The following OXR1 variants were observed in gnomAD, a reference collection of about 807,000 sequenced individuals.
OXR1 encodes the protein oxidation resistance 1, also known as oxidation resistance protein 1.
Under a neutral mutation model 104.6 loss-of-function variants are expected in OXR1, and 41 were observed. The observed-to-expected ratio is 0.39, with a 90% CI of 0.31 to 0.51. The LOEUF (loss-of-function observed/expected upper bound fraction) is 0.51. Among genes scored for constraint, OXR1 ranks in the 20% least tolerant of loss-of-function variants. OXR1 has a pLI of 0.77. For synonymous variants in OXR1, 348 were observed against 348.4 expected (o/e 1.00, Z 0.01); for missense variants, 955 against 1,031.9 (o/e 0.93, Z 1.02).
At chr8:106,567,955 A>G (rs1013582688) in intron 3 of OXR1, among the ~76,000 whole-genome samples, 2 of 152,164 alleles carry the variant, frequency 1.3e-5, no homozygotes, top group African/African-American at 2.4e-5. Context: ...ACATGTTATA[A>G]TCATTCCTCT....
chr8:106,335,789 ATATAAAT>A (rs1814936170), intron 1 of OXR1, among the ~76,000 whole-genome samples: 1 of 152,064 alleles, frequency 6.6e-6, no homozygotes. Flanking sequence ...GACACATGAG[ATATAAAT>A]TAAAAGGCTG....
At chr8:106,462,403 T>A (rs1222946735) in intron 2 of OXR1, among the ~76,000 whole-genome samples, 2 of 152,198 alleles carry the variant, frequency 1.3e-5, no homozygotes, top group Non-Finnish European at 2.9e-5. Flanking sequence ...TTTTCACCTC[T>A]GTTTAAATCA....
chr8:106,312,557 C>T (rs978430519), intron 1 of OXR1, among the ~76,000 whole-genome samples: 5 of 152,228 alleles, frequency 3.3e-5, no homozygotes, highest in African/African-American at 9.6e-5. Context: ...CAAAAATCAC[C>T]GAGGGCCATA....
At chr8:106,737,860 G>T (rs996861018) in intron 12 of OXR1, among the ~76,000 whole-genome samples, 1 of 152,064 alleles carries the variant, frequency 6.6e-6, no homozygotes, top group Non-Finnish European at 1.5e-5. Context: ...TTTCAGCGAT[G>T]AGGAGTTTTC....
rs11296936 is a variant in OXR1 at position 106,487,021 on chromosome 8, C to CT, written c.24-31902dup. On this transcript the variant is annotated intron_variant, in intron 2 of 16. Transcript: ENST00000517566. ...CCTTCCTTGAATATTAATCCAGACA[C>CT]TTTTTTTTTTTTTTTTTTTTGAGAC... is the stretch of plus-strand genomic sequence containing the variant. Among the ~76,000 whole-genome samples the CT allele has an allele frequency of 8.8e-3, 1,137 of 129,668 alleles. 8 individuals are homozygous for CT. Among genetic ancestry groups the CT allele is most frequent in the Middle Eastern group, 0.054 (14 of 258 alleles). 85.1% of individuals were successfully genotyped at this position (129,668 alleles called of 152,430 possible). A position where few individuals can be genotyped will look rare whatever the true frequency, so the allele number is the denominator to read the frequency against.
intron 7 of OXR1, chr8:106,697,574 C>T: frequency 1.2e-6 from 2 of 1,611,208 alleles, no homozygotes; most frequent in South Asian, 2.2e-5. Flanking sequence ...CAGTTGGGAT[C>T]CCCAGAGAAG....
rs1387479350 is a variant in OXR1 at position 106,339,530 on chromosome 8, A to T, written c.-138-19946A>T. Among the ~76,000 whole-genome samples, 43 of 48,536 alleles carry T rather than the reference A, an allele frequency of 8.9e-4. 2 individuals carry two copies. The highest frequency in any genetic ancestry group is 3.5e-3 in the African/African-American group (22 of 6,326). 31.8% of individuals were successfully genotyped at this position (48,536 alleles called of 152,430 possible). On this transcript the variant is annotated intron_variant, in intron 1 of 16. Coordinates refer to ENST00000517566, the MANE Select transcript of OXR1 (RefSeq NM_001198533.2). ...AAAAAAAAAAAAAAAATATATATAT[A>T]TATATATATATATATATATATATAT...
intron 3 of OXR1, among the ~76,000 whole-genome samples, chr8:106,557,381 G>A (rs921613019): frequency 5.3e-5 from 8 of 151,994 alleles, no homozygotes; most frequent in Non-Finnish European, 1.2e-4. Context: ...TATAGTTTGG[G>A]GTTATGTTAT....
intron 3 of OXR1, among the ~76,000 whole-genome samples, chr8:106,628,065 T>C (rs1822325919): frequency 6.6e-6 from 1 of 152,178 alleles, no homozygotes; most frequent in Admixed American, 6.5e-5. Flanking sequence ...TCATTGGTTC[T>C]CTCCTTTAAA....
At chr8:106,494,742 C>T (rs1012659061) in intron 2 of OXR1, among the ~76,000 whole-genome samples, 1 of 152,172 alleles carries the variant, frequency 6.6e-6, no homozygotes, top group African/African-American at 2.4e-5. Context: ...CCTGAGACTG[C>T]ACTTCTAACA....
chr8:106,320,859 A>T (rs188913966), intron 1 of OXR1, among the ~76,000 whole-genome samples: 22 of 152,106 alleles, frequency 1.4e-4, no homozygotes, highest in African/African-American at 5.3e-4. Context: ...TTTTGTTGAG[A>T]CATGGTTTTG....
At chr8:106,619,729 C>T (rs1231953896) in intron 3 of OXR1, among the ~76,000 whole-genome samples, 1 of 152,060 alleles carries the variant, frequency 6.6e-6, no homozygotes, top group Admixed American at 6.5e-5. Flanking sequence ...AATGTATGAA[C>T]CCCTTTTCAA....
chr8:106,311,723 A>T (rs1813709667), intron 1 of OXR1, among the ~76,000 whole-genome samples: 1 of 152,158 alleles, frequency 6.6e-6, no homozygotes, highest in Admixed American at 6.5e-5. Context: ...CTGCCTTCAA[A>T]AATACAAATA....
At chr8:106,354,330 A>G (rs1815867516) in intron 1 of OXR1, among the ~76,000 whole-genome samples, 3 of 152,288 alleles carry the variant, frequency 2.0e-5, no homozygotes, top group Middle Eastern at 6.8e-3. Context: ...CTCTGCTAAC[A>G]TTTATTTGAA....
At chr8:106,285,489 C>T (rs144808339) in intron 1 of OXR1, among the ~76,000 whole-genome samples, 7 of 152,172 alleles carry the variant, frequency 4.6e-5, no homozygotes, top group African/African-American at 1.7e-4. Context: ...AAGTGTCCTT[C>T]CGTTTAATGC....
At chr8:106,644,059 A>G (rs1475583637) in intron 3 of OXR1, among the ~76,000 whole-genome samples, 1 of 151,596 alleles carries the variant, frequency 6.6e-6, no homozygotes, top group Non-Finnish European at 1.5e-5. Flanking sequence ...CATTTTGATT[A>G]TAAAGATATT....
intron 3 of OXR1, among the ~76,000 whole-genome samples, chr8:106,535,282 G>A (rs932300306): frequency 2.0e-5 from 3 of 152,162 alleles, no homozygotes; most frequent in Non-Finnish European, 4.4e-5. Context: ...CCAAGGCGAT[G>A]CAATGAAGGT....
chr8:106,519,171 G>T (rs758449461), intron 3 of OXR1, 32 bp downstream of exon 3: 2 of 1,441,968 alleles, frequency 1.4e-6, no homozygotes, highest in South Asian at 2.5e-5. Flanking sequence ...CAAGTGAATA[G>T]ATGAAATCTA....
At chr8:106,673,720 G>C (rs1463167888) in intron 3 of OXR1, among the ~76,000 whole-genome samples, 1 of 152,126 alleles carries the variant, frequency 6.6e-6, no homozygotes, top group Admixed American at 6.5e-5. Flanking sequence ...CCAGACCCAG[G>C]GCCTTGCTGT....
Sources: allele counts gnomAD v4.1 joint callset (sites outside exome capture counted in the v4.1 genomes callset), GRCh38; gene constraint gnomAD v4.1.1; transcripts MANE v1.5; gene names NCBI Gene and HGNC (gene_info 2026-07-23, HGNC 2026-07-21).